Variants in CHST9 observed in about 807,000 individuals in gnomAD.
The protein encoded by CHST9 is carbohydrate sulfotransferase 9.
In CHST9, 41 loss-of-function variants were observed where a neutral mutation model predicts 44.4. The observed-to-expected ratio is 0.92, with a 90% CI of 0.72 to 1.20. The LOEUF (loss-of-function observed/expected upper bound fraction) is 1.20, where lower values mean the gene tolerates loss of function less well. Among genes scored for constraint, CHST9 ranks in the 50% most tolerant of loss-of-function variants. The pLI is 0.00. For missense variants in CHST9, 504 were observed against 516.5 expected (o/e 0.98, Z 0.23); for synonymous variants, 171 against 178.4 (o/e 0.96, Z 0.33).
At chr18:27,096,351 C>G (rs1387746151) in intron 2 of CHST9, among the ~76,000 whole-genome samples, 2 of 151,466 alleles carry the variant, frequency 1.3e-5, no homozygotes, top group African/African-American at 2.4e-5. Context: ...AATTAATGAT[C>G]TAGTATCAAA....
intron 1 of CHST9, among the ~76,000 whole-genome samples, chr18:27,152,397 C>T (rs1306912702): frequency 6.7e-6 from 1 of 149,914 alleles, no homozygotes. Flanking sequence ...CAAGCTAAAA[C>T]CAAAGGCCTT....
intron 2 of CHST9, among the ~76,000 whole-genome samples, chr18:27,078,827 A>G (rs2057933253): frequency 6.6e-6 from 1 of 152,196 alleles, no homozygotes. Flanking sequence ...CTCTGCACAC[A>G]TCCACTTTTG....
At chr18:27,147,468 G>C (rs2058622315) in intron 1 of CHST9, among the ~76,000 whole-genome samples, 1 of 152,046 alleles carries the variant, frequency 6.6e-6, no homozygotes, top group Non-Finnish European at 1.5e-5. Flanking sequence ...GGAGTCGGGG[G>C]CTTGCTGTTC....
At chr18:26,918,578 G>A (rs1003558217) in intron 5 of CHST9, among the ~76,000 whole-genome samples, 1 of 151,984 alleles carries the variant, frequency 6.6e-6, no homozygotes, top group East Asian at 1.9e-4. Context: ...CCCCAATAGT[G>A]TCTAGAATGG....
At chr18:26,947,910 G>A (rs2056188801) in intron 4 of CHST9, among the ~76,000 whole-genome samples, 1 of 152,172 alleles carries the variant, frequency 6.6e-6, no homozygotes, top group Non-Finnish European at 1.5e-5. Context: ...TATACCCAAA[G>A]GATTATAAAT....
Position 26,910,222 on chromosome 18 carries a change from G to T in CHST9, c.*6037C>A, listed in dbSNP as rs1196756686. On this transcript the variant is annotated 3_prime_UTR_variant, in exon 6 of 6. Coordinates refer to ENST00000618847, the MANE Select transcript of CHST9 (RefSeq NM_031422.6). ...AACATCTTTGTCATTGGTCAAAAGAGACTTCCCCAAACAATGAAATACTGT... is the reference window on the plus strand; with the variant it reads ...AACATCTTTGTCATTGGTCAAAAGATACTTCCCCAAACAATGAAATACTGT... 6.6e-6 allele frequency: 1 copy of T among 152,146 alleles called. No homozygotes were observed. The highest frequency in any genetic ancestry group is 1.9e-4 in the East Asian group (1 of 5,194). The allele number at this position is 152,146 out of a possible 1,614,324, so 9.4% of individuals were successfully genotyped here. A position where few individuals can be genotyped will look rare whatever the true frequency, so the allele number is the denominator to read the frequency against.
At chr18:27,042,030 A>T (rs1254844905) in intron 3 of CHST9, among the ~76,000 whole-genome samples, 1 of 152,156 alleles carries the variant, frequency 6.6e-6, no homozygotes, top group African/African-American at 2.4e-5. Context: ...AAAGCTGCTT[A>T]AAAAAGCAAA....
At chr18:27,015,071 T>C (rs375262482) in intron 4 of CHST9, among the ~76,000 whole-genome samples, 1 of 152,190 alleles carries the variant, frequency 6.6e-6, no homozygotes, top group African/African-American at 2.4e-5. Flanking sequence ...AGCCTCTTCC[T>C]AAAACTAGGT....
intron 1 of CHST9, among the ~76,000 whole-genome samples, chr18:27,172,181 A>T (rs1268560610): frequency 6.6e-6 from 1 of 152,152 alleles, no homozygotes; most frequent in African/African-American, 2.4e-5. Context: ...TACCTACACA[A>T]ATTGCTTACA....
At position 27,171,303 on chromosome 18, in the gene CHST9, A is replaced by G. The variant is rs117757138; in HGVS notation, c.-97+13833T>C. On this transcript the variant is annotated intron_variant, in intron 1 of 5. Coordinates refer to ENST00000618847, the MANE Select transcript of CHST9 (RefSeq NM_031422.6). ...AGGAAAGGGTGGGCATGGGGAGGAC[A>G]TGGATTAGGCACAAAAGAATGCAGG... Among the ~76,000 whole-genome samples, 207 of 152,336 alleles carry G rather than the reference A, an allele frequency of 1.4e-3. 4 individuals carry two copies. In the East Asian group the frequency reaches 0.038, roughly 28 times the overall value.
chr18:27,122,271 T>C (rs1559880), intron 2 of CHST9, among the ~76,000 whole-genome samples: 122,725 of 152,188 alleles, frequency 0.81, 49,803 homozygotes, highest in East Asian at 0.92. Flanking sequence ...TTTGTGTGGG[T>C]CTGTTCTTTC....
At chr18:27,031,899 C>G (rs1470653825) in intron 3 of CHST9, among the ~76,000 whole-genome samples, 1 of 152,240 alleles carries the variant, frequency 6.6e-6, no homozygotes, top group Non-Finnish European at 1.5e-5. Context: ...ACGGCACAGG[C>G]ATGAGCAGCA....
At chr18:27,047,232 T>G (rs2057512089) in intron 3 of CHST9, among the ~76,000 whole-genome samples, 2 of 152,062 alleles carry the variant, frequency 1.3e-5, no homozygotes, top group Non-Finnish European at 2.9e-5. Flanking sequence ...TTCCAAACTG[T>G]GCATTTTCTT....
At chr18:27,167,070 A>G (rs2058796264) in intron 1 of CHST9, among the ~76,000 whole-genome samples, 1 of 152,198 alleles carries the variant, frequency 6.6e-6, no homozygotes, top group South Asian at 2.1e-4. Context: ...TGATGATAGT[A>G]AGAGTGACGC....
At chr18:27,133,737 A>G (rs2058491478) in intron 2 of CHST9, among the ~76,000 whole-genome samples, 1 of 152,196 alleles carries the variant, frequency 6.6e-6, no homozygotes, top group Non-Finnish European at 1.5e-5. Flanking sequence ...CTTCCACTTT[A>G]CATAGGATGT....
intron 3 of CHST9, among the ~76,000 whole-genome samples, chr18:27,031,817 T>C (rs2057343704): frequency 6.6e-6 from 1 of 152,214 alleles, no homozygotes; most frequent in Non-Finnish European, 1.5e-5. Flanking sequence ...AGATCTAAGA[T>C]GGTTTCTTCT....
At chr18:27,149,814 TTG>T (rs1002709996) in intron 1 of CHST9, among the ~76,000 whole-genome samples, 1 of 152,080 alleles carries the variant, frequency 6.6e-6, no homozygotes, top group African/African-American at 2.4e-5. Context: ...ATTTTGCCTG[TTG>T]TGTTTTCCTA....
intron 3 of CHST9, among the ~76,000 whole-genome samples, chr18:27,031,773 T>C (rs2057343198): frequency 6.6e-6 from 1 of 152,168 alleles, no homozygotes; most frequent in Non-Finnish European, 1.5e-5. Flanking sequence ...ACAGCCCTCA[T>C]CCTTCTGTTT....
At chr18:27,126,840 C>G (rs1326149165) in intron 2 of CHST9, among the ~76,000 whole-genome samples, 1 of 152,190 alleles carries the variant, frequency 6.6e-6, no homozygotes, top group East Asian at 1.9e-4. Flanking sequence ...GGGGCTGCTG[C>G]AGCAACCTCA....
Sources: gnomAD v4.1 joint callset for allele counts (sites outside exome capture counted in the v4.1 genomes callset) on GRCh38, gnomAD v4.1.1 for gene constraint, MANE v1.5 for transcripts, NCBI Gene and HGNC (gene_info 2026-07-23, HGNC 2026-07-21) for gene names.